PTPRM: variants seen among roughly 807,000 people sequenced by gnomAD.
PTPRM encodes the protein protein tyrosine phosphatase receptor type M.
PTPRM carries 47 observed loss-of-function variants against 186.7 expected under a neutral mutation model. That is an observed-to-expected ratio of 0.25 (90% CI 0.20 to 0.32). PTPRM has a LOEUF of 0.32. PTPRM is among the 10% of genes least tolerant of loss of function. The pLI is 1.00. For synonymous variants in PTPRM, 668 were observed against 674.9 expected, an observed-to-expected ratio of 0.99 and a Z score of 0.16; for missense variants, 1,494 against 1,865.0, an observed-to-expected ratio of 0.80 and a Z score of 3.66.
intron 14 of PTPRM, among the ~76,000 whole-genome samples, chr18:8,191,337 G>C (rs2093706858): frequency 6.6e-6 from 1 of 152,138 alleles, no homozygotes; most frequent in Non-Finnish European, 1.5e-5. Flanking sequence ...ACATACTTGA[G>C]TACTGCACGG....
intron 15 of PTPRM, 75 bp from the exon 16 acceptor site, chr18:8,247,770 G>A: frequency 9.4e-7 from 1 of 1,064,584 alleles, no homozygotes; most frequent in Non-Finnish European, 1.5e-6. Context: ...GTCACCATGG[G>A]TGGTCTCAGA....
chr18:8,021,317 GACACACACACACACACACACAC>G (rs35335855), intron 7 of PTPRM, among the ~76,000 whole-genome samples: 5 of 142,992 alleles, frequency 3.5e-5, no homozygotes, highest in African/African-American at 7.8e-5. Flanking sequence ...GCATAAAAGA[GACACACACACACACACACACAC>G]ACACACACAC....
chr18:7,988,322 T>C (rs999612631), intron 7 of PTPRM, among the ~76,000 whole-genome samples: 14 of 152,174 alleles, frequency 9.2e-5, no homozygotes, highest in Non-Finnish European at 1.5e-5. Flanking sequence ...CTTTCATTAG[T>C]TTATGGTTTT....
chr18:7,669,239 C>T (rs570294581), intron 1 of PTPRM, among the ~76,000 whole-genome samples: 6 of 152,056 alleles, frequency 3.9e-5, no homozygotes, highest in Non-Finnish European at 5.9e-5. Context: ...GTCACAACAC[C>T]GAATCCATTC....
At chr18:7,857,976 A>G (rs970539818) in intron 2 of PTPRM, among the ~76,000 whole-genome samples, 1 of 152,178 alleles carries the variant, frequency 6.6e-6, no homozygotes, top group African/African-American at 2.4e-5. Context: ...TAGAAGAGAG[A>G]GAGGGCAGAT....
In PTPRM at chr18:7,935,032, A is replaced by G. The variant is rs532632337; in HGVS notation, c.663+8349A>G. Among the ~76,000 whole-genome samples, 6 of 151,132 alleles carry G rather than the reference A, an allele frequency of 4.0e-5. No homozygotes were observed. The South Asian group carries it at 1.2e-3, about 31-fold the overall frequency. Reference sequence around the variant, plus strand: ...AGGTGGCTTTTAGTTTCATTTGTTGATTATAAGGAAAAAAATCACAACTGT... The same window carrying G: ...AGGTGGCTTTTAGTTTCATTTGTTGGTTATAAGGAAAAAAATCACAACTGT... On this transcript the variant is annotated intron_variant, in intron 5 of 32. Coordinates refer to ENST00000580170, the MANE Select transcript of PTPRM (RefSeq NM_001105244.2).
chr18:7,662,057 A>G (rs2038991902), intron 1 of PTPRM, among the ~76,000 whole-genome samples: 1 of 152,108 alleles, frequency 6.6e-6, no homozygotes, highest in Admixed American at 6.5e-5. Flanking sequence ...AGTGGGGACC[A>G]CAGGCGGGTG....
At position 7,903,101 on chromosome 18, in the gene PTPRM, A is replaced by G. The variant is rs528292855; in HGVS notation, c.469-3404A>G. Among the ~76,000 whole-genome samples, 4 of 152,318 alleles carry G rather than the reference A, an allele frequency of 2.6e-5. 1 individual carries two copies. Among genetic ancestry groups the G allele is most frequent in the African/African-American group, 9.6e-5 (4 of 41,562 alleles). On this transcript the variant is annotated intron_variant, in intron 3 of 32. Coordinates refer to ENST00000580170, the MANE Select transcript of PTPRM (RefSeq NM_001105244.2). ...AATATGAAAGATAGTTTTGATGAGG[A>G]AAGATTTCTTCAGCTGTTCTATCCA... is the stretch of plus-strand genomic sequence containing the variant.
At chr18:7,581,511 C>T (rs939416243) in intron 1 of PTPRM, among the ~76,000 whole-genome samples, 1 of 152,124 alleles carries the variant, frequency 6.6e-6, no homozygotes, top group Non-Finnish European at 1.5e-5. Context: ...CTTCTCACAT[C>T]ATTTTAATTT....
intron 1 of PTPRM, among the ~76,000 whole-genome samples, chr18:7,697,903 C>T (rs1336022713): frequency 6.6e-6 from 1 of 152,188 alleles, no homozygotes; most frequent in Non-Finnish European, 1.5e-5. Context: ...CTCCTAAGTT[C>T]TCCTTTGTGC....
At chr18:8,292,640 T>C (rs991354863) in intron 19 of PTPRM, among the ~76,000 whole-genome samples, 1 of 152,230 alleles carries the variant, frequency 6.6e-6, no homozygotes, top group Non-Finnish European at 1.5e-5. Flanking sequence ...TTGCCATTTA[T>C]AGTGATTCAT....
rs2082559363 is a variant in PTPRM, at chr18:7,981,685, T to A, written c.1132+26271T>A. On this transcript the variant is annotated intron_variant, in intron 7 of 32. Coordinates refer to ENST00000580170, the MANE Select transcript of PTPRM (RefSeq NM_001105244.2). ...GGGCTGTATTCTGAGAAATGCATCT[T>A]TAGGTGATTTGGTCATTCTGTGAAC... 2.0e-5 allele frequency among the ~76,000 whole-genome samples: 3 copies of A among 152,158 alleles called. No individual in the cohort carries two copies. The South Asian group carries it at 6.2e-4, about 32-fold the overall frequency.
chr18:7,811,795 T>C (rs1027931200), intron 2 of PTPRM, among the ~76,000 whole-genome samples: 7 of 152,122 alleles, frequency 4.6e-5, no homozygotes, highest in African/African-American at 1.7e-4. Flanking sequence ...CTTGGAACTT[T>C]ATGTGGGAAG....
At chr18:8,257,691 G>A (rs185992121) in intron 19 of PTPRM, among the ~76,000 whole-genome samples, 31 of 152,306 alleles carry the variant, frequency 2.0e-4, no homozygotes, top group African/African-American at 6.7e-4. Flanking sequence ...GGCTCTGGTT[G>A]TTGCTGTGAC....
At chr18:8,112,557 C>T (rs1271770422) in intron 11 of PTPRM, among the ~76,000 whole-genome samples, 1 of 152,224 alleles carries the variant, frequency 6.6e-6, no homozygotes, top group Non-Finnish European at 1.5e-5. Context: ...GGACTCAGTT[C>T]AGGGAAGCTG....
At chr18:8,049,751 G>A (rs978586847) in intron 7 of PTPRM, among the ~76,000 whole-genome samples, 5 of 149,272 alleles carry the variant, frequency 3.3e-5, no homozygotes, top group South Asian at 2.1e-4. Flanking sequence ...TTGCACTGTC[G>A]CCTGGCCTGG....
intron 1 of PTPRM, among the ~76,000 whole-genome samples, chr18:7,717,018 CAT>C (rs765170470): frequency 1.3e-5 from 2 of 152,150 alleles, no homozygotes; most frequent in African/African-American, 2.4e-5. Context: ...CACATGCACA[CAT>C]ATGTTTATTG....
chr18:8,169,129 A>T (rs2093362273), intron 14 of PTPRM, among the ~76,000 whole-genome samples: 1 of 152,192 alleles, frequency 6.6e-6, no homozygotes, highest in Non-Finnish European at 1.5e-5. Flanking sequence ...ATGAAGGTGG[A>T]AAAGGATAAA....
intron 14 of PTPRM, among the ~76,000 whole-genome samples, chr18:8,178,714 G>A (rs10221435): frequency 0.011 from 1,649 of 152,234 alleles, 27 homozygotes; most frequent in African/African-American, 0.038. Context: ...TAGAACCTGG[G>A]AGGTGGAGGT....
Sources: allele counts gnomAD v4.1 joint callset (sites outside exome capture counted in the v4.1 genomes callset), GRCh38; gene constraint gnomAD v4.1.1; transcripts MANE v1.5; gene names NCBI Gene and HGNC (gene_info 2026-07-23, HGNC 2026-07-21).